Variants in THSD4 observed in about 807,000 individuals in gnomAD.
The protein encoded by THSD4 is thrombospondin type-1 domain-containing protein 4.
In THSD4, 69 loss-of-function variants were observed where a neutral mutation model predicts 119.0. The observed-to-expected ratio is 0.58, with a 90% CI of 0.48 to 0.71. THSD4 has a LOEUF of 0.71. THSD4 is among the 30% of genes least tolerant of loss of function. The pLI, the probability that THSD4 is intolerant of heterozygous loss-of-function variation, is 0.00. For missense variants in THSD4, 1,393 were observed against 1,391.1 expected, an observed-to-expected ratio of 1.00 and a Z score of -0.02; for synonymous variants, 524 against 540.4, an observed-to-expected ratio of 0.97 and a Z score of 0.42.
chr15:71,618,398 A>G (rs1014781753), intron 7 of THSD4, among the ~76,000 whole-genome samples: 2 of 152,246 alleles, frequency 1.3e-5, no homozygotes, highest in African/African-American at 4.8e-5. Flanking sequence ...GTCGACGTGG[A>G]TAGATCTCAA....
chr15:71,195,477 A>G (rs1317580609), intron 3 of THSD4, among the ~76,000 whole-genome samples: 3 of 152,194 alleles, frequency 2.0e-5, no homozygotes, highest in South Asian at 4.1e-4. Context: ...TTTTCTGACA[A>G]TACCAAGTGG....
chr15:71,606,527 GTTTATTTA>G (rs60265226), intron 7 of THSD4, among the ~76,000 whole-genome samples: 6 of 150,846 alleles, frequency 4.0e-5, no homozygotes, highest in Admixed American at 6.6e-5. Context: ...AATGGCAATT[GTTTATTTA>G]TTTATTTATT....
At chr15:71,574,142 A>G (rs1432202372) in intron 7 of THSD4, among the ~76,000 whole-genome samples, 1 of 152,226 alleles carries the variant, frequency 6.6e-6, no homozygotes, top group Non-Finnish European at 1.5e-5. Flanking sequence ...CTGACCCTGT[A>G]TTGTAGTGTC....
chr15:71,459,380 G>GTCTCTCTGTC (rs1555416117), intron 7 of THSD4, among the ~76,000 whole-genome samples: 152 of 137,744 alleles, frequency 1.1e-3, no homozygotes, highest in African/African-American at 3.4e-3. Flanking sequence ...CTGTCTCTCT[G>GTCTCTCTGTC]TCTCTCTCTC....
chr15:71,268,957 T>G (rs1184486601), intron 6 of THSD4, among the ~76,000 whole-genome samples: 1 of 152,010 alleles, frequency 6.6e-6, no homozygotes, highest in Admixed American at 6.6e-5. Flanking sequence ...GGTCTGAAAT[T>G]GAGGCAGTAA....
intron 7 of THSD4, among the ~76,000 whole-genome samples, chr15:71,517,474 C>T (rs1030581075): frequency 5.3e-5 from 8 of 152,192 alleles, no homozygotes; most frequent in African/African-American, 1.7e-4. Context: ...TTCTGAATCT[C>T]CCTCATTCAA....
At chr15:71,375,806 T>A (rs960233264) in intron 6 of THSD4, among the ~76,000 whole-genome samples, 1 of 152,178 alleles carries the variant, frequency 6.6e-6, no homozygotes, top group African/African-American at 2.4e-5. Flanking sequence ...AAATTTGCTT[T>A]CACATTCCAT....
At chr15:71,729,774 C>G (rs1215271975) in intron 9 of THSD4, 1 of 151,948 alleles carries the variant, frequency 6.6e-6, no homozygotes, top group African/African-American at 2.4e-5. Flanking sequence ...TTTGCACTGG[C>G]AGAATGCTCA....
chr15:71,110,730 C>T (rs2040297059), upstream of THSD4: 3 of 184,630 alleles, frequency 1.6e-5, no homozygotes, highest in Admixed American at 1.6e-4. Flanking sequence ...CCCCTGCCTT[C>T]CTCAGGGTCT....
intron 6 of THSD4, among the ~76,000 whole-genome samples, chr15:71,331,050 C>T (rs1045841109): frequency 5.3e-5 from 8 of 152,200 alleles, no homozygotes; most frequent in Admixed American, 1.3e-4. Flanking sequence ...ATTTCTCCTG[C>T]GCTCCTCTCA....
intron 7 of THSD4, among the ~76,000 whole-genome samples, chr15:71,489,855 A>G (rs1381143614): frequency 6.6e-6 from 1 of 152,164 alleles, no homozygotes; most frequent in Non-Finnish European, 1.5e-5. Context: ...AAAATAAAAC[A>G]CATACCCATT....
intron 8 of THSD4, among the ~76,000 whole-genome samples, chr15:71,670,570 C>T (rs2051504633): frequency 6.6e-6 from 1 of 151,514 alleles, no homozygotes; most frequent in African/African-American, 2.4e-5. Flanking sequence ...CATATGTATA[C>T]ATGTGCCATG....
chr15:71,422,343 G>A (rs967533509), intron 7 of THSD4, among the ~76,000 whole-genome samples: 1 of 152,148 alleles, frequency 6.6e-6, no homozygotes, highest in African/African-American at 2.4e-5. Context: ...GATATTTGCA[G>A]GGACTTGGGT....
At position 71,430,759 on chromosome 15, in the gene THSD4, GAAA is replaced by G. The variant is rs397719477; in HGVS notation, c.1152+18958_1152+18960del. On this transcript the variant is annotated intron_variant, in intron 7 of 17. Coordinates refer to ENST00000261862, the MANE Select transcript of THSD4 (RefSeq NM_024817.3). ...ATGGCAGAGCAAGACTCTGTCTCAA[GAAA>G]AAAAAAAAAAAAAAAAAAAAAGAGA... Among the ~76,000 whole-genome samples, 6 of 82,956 alleles carry G rather than the reference GAAA, an allele frequency of 7.2e-5. No homozygotes were observed. The East Asian group carries it at 2.5e-3, about 34-fold the overall frequency. 54.4% of individuals were successfully genotyped at this position (82,956 alleles called of 152,430 possible).
At chr15:71,112,329 A>AATT, upstream of THSD4, 1 of 1,156,056 alleles carries the variant, frequency 8.7e-7, no homozygotes, top group Non-Finnish European at 1.2e-6. Flanking sequence ...TACTATTAAT[A>AATT]ATTAATTAAT....
chr15:71,240,271 G>A (rs2044140753), intron 4 of THSD4, among the ~76,000 whole-genome samples: 1 of 152,202 alleles, frequency 6.6e-6, no homozygotes, highest in Non-Finnish European at 1.5e-5. Flanking sequence ...CAGCAGGGCA[G>A]CCTGTCCCGG....
intron 8 of THSD4, among the ~76,000 whole-genome samples, chr15:71,724,576 C>T (rs866288196): frequency 4.5e-3 from 136 of 30,016 alleles, no homozygotes; most frequent in Non-Finnish European, 0.039. Flanking sequence ...TGAGGCACTA[C>T]GCCCAGTCTT....
In THSD4 at chr15:71,782,640, T is replaced by C. The variant is rs939436237; in HGVS notation, c.*5266T>C. ...AGCCTCCTGGAATGTCGCTGTACGATGATTGATGTCTTTTTCTCAGTCCAT... is the reference window on the plus strand; with the variant it reads ...AGCCTCCTGGAATGTCGCTGTACGACGATTGATGTCTTTTTCTCAGTCCAT... On this transcript the variant is annotated 3_prime_UTR_variant, in exon 18 of 18. Coordinates refer to ENST00000261862, the MANE Select transcript of THSD4 (RefSeq NM_024817.3). 6.6e-6 allele frequency: 1 copy of C among 152,264 alleles called. No individual in the cohort carries two copies. Among genetic ancestry groups the C allele is most frequent in the African/African-American group, 2.4e-5 (1 of 41,472 alleles). 9.4% of individuals were successfully genotyped at this position (152,264 alleles called of 1,614,324 possible).
chr15:71,762,530 C>G (rs1323370808), intron 15 of THSD4, among the ~76,000 whole-genome samples: 1 of 152,206 alleles, frequency 6.6e-6, no homozygotes, highest in Non-Finnish European at 1.5e-5. Flanking sequence ...GCGACACTGT[C>G]TAGACTCTAG....
Sources: allele counts gnomAD v4.1 joint callset (sites outside exome capture counted in the v4.1 genomes callset), GRCh38; gene constraint gnomAD v4.1.1; transcripts MANE v1.5; gene names NCBI Gene and HGNC (gene_info 2026-07-23, HGNC 2026-07-21).